Variants in SORCS3 observed in about 807,000 individuals in gnomAD.
SORCS3 encodes VPS10 domain-containing receptor SorCS3.
A neutral mutation model predicts 146.3 loss-of-function variants in SORCS3; 57 were observed. The observed-to-expected ratio is 0.39, with a 90% CI of 0.31 to 0.49. The LOEUF is 0.49. SORCS3 is among the 20% of genes least tolerant of loss of function. SORCS3 has a pLI of 0.92. For missense variants in SORCS3, 1,341 were observed against 1,575.5 expected (o/e 0.85, Z 2.52); for synonymous variants, 653 against 618.5 (o/e 1.06, Z -0.83).
chr10:105,188,755 A>G (rs1186059319), intron 14 of SORCS3, among the ~76,000 whole-genome samples: 33 of 152,222 alleles, frequency 2.2e-4, no homozygotes, highest in Admixed American at 2.2e-3. Context: ...TTGTGAAATG[A>G]CTTCATCATA....
At chr10:105,234,381 C>G (rs1345526501) in intron 20 of SORCS3, among the ~76,000 whole-genome samples, 1 of 150,570 alleles carries the variant, frequency 6.6e-6, no homozygotes, top group African/African-American at 2.4e-5. Flanking sequence ...ATTTATCTGT[C>G]TCAGTGTTCT....
At chr10:105,166,456 A>G (rs1311942052) in intron 12 of SORCS3, among the ~76,000 whole-genome samples, 2 of 152,170 alleles carry the variant, frequency 1.3e-5, no homozygotes, top group Non-Finnish European at 2.9e-5. Context: ...GGAGATATAA[A>G]AGTCATATCT....
chr10:105,178,035 T>C (rs1445713556), intron 13 of SORCS3, 31 bp from the exon 14 acceptor site: 3 of 1,520,190 alleles, frequency 2.0e-6, no homozygotes, highest in African/African-American at 1.4e-5. Flanking sequence ...TATTTTCAGC[T>C]GTCTTTTTTG....
At chr10:105,114,882 T>A (rs10884090) in intron 7 of SORCS3, among the ~76,000 whole-genome samples, 77,567 of 151,948 alleles carry the variant, frequency 0.51, 20,083 homozygotes, top group Admixed American at 0.55. Flanking sequence ...CAGTACTACA[T>A]TGAAGTCAAT....
In SORCS3 at chr10:104,641,380, T is replaced by C; in HGVS notation, c.53T>C (p.Val18Ala). 2 of 1,431,088 alleles carry C rather than the reference T, an allele frequency of 1.4e-6. No individual in the cohort carries two copies. The highest frequency in any genetic ancestry group is 9.1e-7 in the Non-Finnish European group (1 of 1,095,430). 88.6% of individuals were successfully genotyped at this position (1,431,088 alleles called of 1,614,324 possible). A position where few individuals can be genotyped will look rare whatever the true frequency, so the allele number is the denominator to read the frequency against. ...RPAGRPGAPL[V>A]RTGLLLLSTW... ...GCAGGCAGGCCGGGGGCGCCGCTTG[T>C]CCGGACGGGGCTCCTACTCTTGTCG... Residue 18 changes from valine to alanine, a missense_variant, in exon 1 of 27, where the codon GTC becomes GCC. Val to Ala is a moderately conservative substitution (Grantham distance 64). Transcript: ENST00000369701. This position sits in a 1 kb window ranked among gnomAD's most constrained non-coding sequence, Gnocchi z 6.4.
chr10:104,954,830 T>G, intron 3 of SORCS3, among the ~76,000 whole-genome samples: 1 of 152,168 alleles, frequency 6.6e-6, no homozygotes, highest in East Asian at 1.9e-4. Flanking sequence ...ATTAGGAGAC[T>G]TAACAAGCTA....
At chr10:104,835,966 A>G (rs946563206) in intron 1 of SORCS3, among the ~76,000 whole-genome samples, 1 of 152,194 alleles carries the variant, frequency 6.6e-6, no homozygotes, top group African/African-American at 2.4e-5. Context: ...CCAACTCCGC[A>G]AACATACCTG....
chr10:104,955,171 T>C (rs923142316), intron 3 of SORCS3, among the ~76,000 whole-genome samples: 7 of 151,662 alleles, frequency 4.6e-5, no homozygotes, highest in African/African-American at 1.7e-4. Context: ...AGTAGTCGTT[T>C]CCCATTCCCC....
At chr10:105,034,862 G>A (rs1281446339) in intron 4 of SORCS3, among the ~76,000 whole-genome samples, 1 of 152,120 alleles carries the variant, frequency 6.6e-6, no homozygotes, top group Non-Finnish European at 1.5e-5. Flanking sequence ...TATAATTAAG[G>A]AGACTTAAGT....
chr10:104,996,108 A>G (rs1327542693), intron 4 of SORCS3, among the ~76,000 whole-genome samples: 1 of 152,152 alleles, frequency 6.6e-6, no homozygotes, highest in Non-Finnish European at 1.5e-5. Context: ...ATTCTGTTCC[A>G]TTGATCTATT....
intron 1 of SORCS3, among the ~76,000 whole-genome samples, chr10:104,731,684 A>G (rs1047404449): frequency 1.3e-5 from 2 of 152,192 alleles, no homozygotes; most frequent in East Asian, 1.9e-4. Flanking sequence ...ACCCTGCTCC[A>G]TGGAGCTGCC....
At chr10:105,105,245 T>G (rs2055812757) in intron 6 of SORCS3, 152 bp from the exon 7 acceptor site, 1 of 563,552 alleles carries the variant, frequency 1.8e-6, no homozygotes, top group Non-Finnish European at 3.1e-6. Flanking sequence ...TTTTTGGGAA[T>G]TATTATAAAT....
chr10:105,024,324 G>A (rs756320854), intron 4 of SORCS3, among the ~76,000 whole-genome samples: 115 of 152,066 alleles, frequency 7.6e-4, no homozygotes, highest in Admixed American at 8.5e-4. Flanking sequence ...TGTTTGTTTT[G>A]TTCTCATGTC....
At chr10:104,685,224 C>G (rs969574838) in intron 1 of SORCS3, among the ~76,000 whole-genome samples, 2 of 152,162 alleles carry the variant, frequency 1.3e-5, no homozygotes, top group East Asian at 3.9e-4. Flanking sequence ...CTGAACTAAG[C>G]ATTGTAGGAG....
chr10:105,218,895 G>C (rs558019705), intron 19 of SORCS3, among the ~76,000 whole-genome samples: 1 of 152,158 alleles, frequency 6.6e-6, no homozygotes, highest in South Asian at 2.1e-4. Flanking sequence ...CAAGCCTGTA[G>C]TCCCAGCTAC....
intron 5 of SORCS3, among the ~76,000 whole-genome samples, chr10:105,047,602 A>T (rs1371840666): frequency 6.6e-6 from 1 of 152,110 alleles, no homozygotes; most frequent in African/African-American, 2.4e-5. Context: ...GACAACAGAC[A>T]TACTATAAGT....
At chr10:105,255,145 C>G (rs1240202707) in intron 23 of SORCS3, among the ~76,000 whole-genome samples, 1 of 142,546 alleles carries the variant, frequency 7.0e-6, no homozygotes, top group Non-Finnish European at 1.5e-5. Flanking sequence ...GCCGAGATCG[C>G]GCCACTGCAC....
At chr10:104,754,638 T>C (rs2017026724) in intron 1 of SORCS3, among the ~76,000 whole-genome samples, 1 of 152,218 alleles carries the variant, frequency 6.6e-6, no homozygotes, top group Non-Finnish European at 1.5e-5. Context: ...GAGCAGTGTT[T>C]GGGCTTGGGG....
chr10:104,734,241 G>T (rs966243490), intron 1 of SORCS3, among the ~76,000 whole-genome samples: 1 of 152,174 alleles, frequency 6.6e-6, no homozygotes, highest in Non-Finnish European at 1.5e-5. Context: ...CATTAGAGAT[G>T]CAATTCTTTA....
Sources: allele counts gnomAD v4.1 joint callset (sites outside exome capture counted in the v4.1 genomes callset), GRCh38; gene constraint gnomAD v4.1.1; non-coding constraint Gnocchi (gnomAD v3.1); transcripts MANE v1.5; gene names NCBI Gene and HGNC (gene_info 2026-07-23, HGNC 2026-07-21).